KLHL6: variants seen among roughly 807,000 people sequenced by gnomAD.
KLHL6 encodes kelch-like protein 6.
In KLHL6, 41 loss-of-function variants were observed where a neutral mutation model predicts 58.6. The ratio of observed to expected loss-of-function variants is 0.70; its 90% CI spans 0.55 to 0.91. The LOEUF is 0.91. Among genes scored for constraint, KLHL6 ranks in the 40% least tolerant of loss-of-function variants. The pLI is 0.00. For synonymous variants in KLHL6, 338 were observed against 322.7 expected (o/e 1.05, Z -0.51); for missense variants, 714 against 805.6 (o/e 0.89, Z 1.38).
chr3:183,544,137 T>C (rs920292602), intron 1 of KLHL6, among the ~76,000 whole-genome samples: 1 of 120,836 alleles, frequency 8.3e-6, no homozygotes, highest in Non-Finnish European at 1.6e-5. Flanking sequence ...CACTCCAGCC[T>C]GGGCGACAAG....
chr3:183,530,393 G>A (rs1333270887), intron 1 of KLHL6, among the ~76,000 whole-genome samples: 1 of 152,184 alleles, frequency 6.6e-6, no homozygotes, highest in Non-Finnish European at 1.5e-5. Context: ...TTATAAAGTG[G>A]CAAAGAAAGG....
chr3:183,509,270 A>C (rs960645277), intron 2 of KLHL6, among the ~76,000 whole-genome samples: 3 of 152,254 alleles, frequency 2.0e-5, no homozygotes, highest in Non-Finnish European at 4.4e-5. Context: ...TGAAACAATT[A>C]TGATTCATTT....
intron 1 of KLHL6, among the ~76,000 whole-genome samples, chr3:183,529,919 A>T (rs78515617): frequency 0.03 from 4,636 of 152,226 alleles, 241 homozygotes; most frequent in African/African-American, 0.11. Flanking sequence ...TGATGTTCTT[A>T]TAAGAAGAGG....
chr3:183,553,317 G>A (rs1712999418), intron 1 of KLHL6, among the ~76,000 whole-genome samples: 1 of 152,122 alleles, frequency 6.6e-6, no homozygotes, highest in Non-Finnish European at 1.5e-5. Context: ...CAGCAGGGCT[G>A]GAAGGACCCA....
intron 2 of KLHL6, among the ~76,000 whole-genome samples, chr3:183,519,119 G>A (rs1021584624): frequency 4.6e-5 from 7 of 152,186 alleles, no homozygotes; most frequent in Admixed American, 2.6e-4. Flanking sequence ...CCAGACAAAG[G>A]GGCCCTGTGG....
chr3:183,553,658 T>C lies in KLHL6; in HGVS notation c.293+1703A>G, dbSNP rs147388536. On this transcript the variant is annotated intron_variant, in intron 1 of 6. Coordinates refer to ENST00000341319, the MANE Select transcript of KLHL6 (RefSeq NM_130446.4). ...CACTTTATATTTTACACACTTCCCA[T>C]GGAATGAAGTCCCAGACCTAGTGGC... Among the ~76,000 whole-genome samples, 1,308 of 152,294 alleles carry C rather than the reference T, an allele frequency of 8.6e-3. 14 individuals are homozygous for C. The highest frequency in any genetic ancestry group is 0.028 in the African/African-American group (1,162 of 41,552).
At position 183,492,831 on chromosome 3, in the gene KLHL6, A is replaced by C; in HGVS notation, c.1351-124T>G. The stretch of plus-strand genomic sequence containing the variant: ...TGGGCATCTTTTGCCTATAGTCACA[A>C]GGCCCATGGGCTTGACTCCTCTTAA... On this transcript the variant is annotated intron_variant, in intron 5 of 6. Transcript: ENST00000341319. The surrounding 1 kb of genome is among the most constrained non-coding windows in gnomAD (Gnocchi z 5.9). 1 of 804,876 alleles carries C rather than the reference A, an allele frequency of 1.2e-6. No homozygotes were observed. Among genetic ancestry groups the C allele is most frequent in the Non-Finnish European group, 2.0e-6 (1 of 505,414 alleles). 49.9% of individuals were successfully genotyped at this position (804,876 alleles called of 1,614,324 possible). A position where few individuals can be genotyped will look rare whatever the true frequency, so the allele number is the denominator to read the frequency against.
At chr3:183,545,153 C>T (rs1712678382) in intron 1 of KLHL6, among the ~76,000 whole-genome samples, 1 of 152,134 alleles carries the variant, frequency 6.6e-6, no homozygotes, top group African/African-American at 2.4e-5. Context: ...CCCAGCCCTT[C>T]CTATGATTTG....
intron 2 of KLHL6, among the ~76,000 whole-genome samples, chr3:183,518,034 C>A (rs1284356880): frequency 1.3e-5 from 2 of 152,326 alleles, no homozygotes; most frequent in Middle Eastern, 3.4e-3. Context: ...GCCTGGAATA[C>A]TTTTCTCCCA....
At chr3:183,497,376 T>G (rs1468684941) in intron 4 of KLHL6, among the ~76,000 whole-genome samples, 3 of 152,100 alleles carry the variant, frequency 2.0e-5, no homozygotes, top group Non-Finnish European at 4.4e-5. Flanking sequence ...CTCGCCATTG[T>G]ACTCCAGCCT....
At chr3:183,524,244 A>G (rs1711872120) in intron 2 of KLHL6, among the ~76,000 whole-genome samples, 1 of 152,136 alleles carries the variant, frequency 6.6e-6, no homozygotes. Flanking sequence ...AGAAGCCTGA[A>G]GGTCCAGTTA....
chr3:183,508,083 C>G lies in KLHL6; in HGVS notation c.885G>C (p.Arg295Ser). ...PEVFPLLQEA[R>S]MYHLSGNEII... ...CCTCATTGCCAGAAAGGTGGTACAT[C>G]CTGGCTTCCTGGAGCAGCGGGAAGA... The change falls in exon 3 of 7, where the codon AGG becomes AGC. Residue 295 changes from arginine to serine, a missense_variant. Arg to Ser is a moderately radical substitution (Grantham distance 110). Coordinates refer to ENST00000341319, the MANE Select transcript of KLHL6 (RefSeq NM_130446.4). 2 of 1,614,076 alleles carry G rather than the reference C, an allele frequency of 1.2e-6. No individual in the cohort carries two copies. The highest frequency in any genetic ancestry group is 3.3e-4 in the Middle Eastern group (2 of 6,062).
At chr3:183,516,562 A>G (rs1017421177) in intron 2 of KLHL6, among the ~76,000 whole-genome samples, 2 of 152,222 alleles carry the variant, frequency 1.3e-5, no homozygotes, top group Non-Finnish European at 2.9e-5. Flanking sequence ...TTCCCACAAG[A>G]AGTGTCTGCC....
intron 1 of KLHL6, among the ~76,000 whole-genome samples, chr3:183,538,918 G>A (rs1034845397): frequency 1.3e-5 from 2 of 152,192 alleles, no homozygotes; most frequent in Non-Finnish European, 2.9e-5. Context: ...GCCTCAAGAG[G>A]TGGATCTCAA....
intron 1 of KLHL6, among the ~76,000 whole-genome samples, chr3:183,542,122 C>G (rs887745000): frequency 5.3e-5 from 8 of 152,290 alleles, no homozygotes; most frequent in African/African-American, 1.4e-4. Flanking sequence ...CCCAACCACA[C>G]TGCCTATACC....
At chr3:183,545,519 A>G (rs148767527) in intron 1 of KLHL6, among the ~76,000 whole-genome samples, 2 of 152,338 alleles carry the variant, frequency 1.3e-5, no homozygotes, top group South Asian at 2.1e-4. Context: ...AAATTGAAGA[A>G]TAGATTTTCT....
chr3:183,500,011 G>C (rs1311515032), intron 3 of KLHL6, among the ~76,000 whole-genome samples, 184 bp from the exon 4 acceptor site: 1 of 152,184 alleles, frequency 6.6e-6, no homozygotes, highest in Non-Finnish European at 1.5e-5. Context: ...TACCTCATAG[G>C]TGTGTTGTGA....
At chr3:183,493,311 G>C (rs1717624616) in intron 5 of KLHL6, 1 of 156,016 alleles carries the variant, frequency 6.4e-6, no homozygotes, top group African/African-American at 2.4e-5. Flanking sequence ...GCAGCTCTGT[G>C]ATAGGGCTTG....
chr3:183,534,820 A>G (rs1377189418), intron 1 of KLHL6, among the ~76,000 whole-genome samples: 2 of 152,036 alleles, frequency 1.3e-5, no homozygotes, highest in African/African-American at 4.8e-5. Context: ...TAAAATGACT[A>G]ATGCGATAAC....
Sources: allele counts gnomAD v4.1 joint callset (sites outside exome capture counted in the v4.1 genomes callset), GRCh38; gene constraint gnomAD v4.1.1; non-coding constraint Gnocchi (gnomAD v3.1); transcripts MANE v1.5; gene names NCBI Gene and HGNC (gene_info 2026-07-23, HGNC 2026-07-21).